Variants in COL13A1 observed in about 807,000 individuals in gnomAD.
COL13A1 encodes the protein collagen alpha-1(XIII) chain.
COL13A1 carries 89 observed loss-of-function variants against 130.9 expected under a neutral mutation model. The observed-to-expected ratio is 0.68, with a 90% confidence interval of 0.57 to 0.81. The LOEUF (loss-of-function observed/expected upper bound fraction) is 0.81. COL13A1 is among the 30% of genes least tolerant of loss of function. The pLI is 0.00. For missense variants in COL13A1, 879 were observed against 934.6 expected (o/e 0.94, Z 0.78); for synonymous variants, 402 against 341.6 (o/e 1.18, Z -1.95).
intron 30 of COL13A1, 83 bp from the exon 31 acceptor site, chr10:69,932,477 T>C: frequency 1.1e-6 from 1 of 946,828 alleles, no homozygotes; most frequent in Non-Finnish European, 1.7e-6. Flanking sequence ...CGTCCCAGTC[T>C]AGTTTGTCAC....
At chr10:69,832,509 G>A (rs1486542318) in intron 2 of COL13A1, among the ~76,000 whole-genome samples, 1 of 152,250 alleles carries the variant, frequency 6.6e-6, no homozygotes, top group African/African-American at 2.4e-5. Context: ...GTGGCACAAT[G>A]GTAGTGCGTC....
chr10:69,911,566 C>CATG (rs2063386038), intron 17 of COL13A1, among the ~76,000 whole-genome samples: 1 of 152,232 alleles, frequency 6.6e-6, no homozygotes, highest in Non-Finnish European at 1.5e-5. Context: ...TGGGGGACCC[C>CATG]ATGATGATTT....
intron 40 of COL13A1, 142 bp from the exon 41 acceptor site, chr10:69,958,557 T>C (rs1479657220): frequency 9.9e-6 from 13 of 1,310,638 alleles, no homozygotes; most frequent in Non-Finnish European, 1.4e-5. Context: ...TTCTTTCACC[T>C]AGGGGCTCAG....
intron 17 of COL13A1, among the ~76,000 whole-genome samples, chr10:69,916,071 G>A (rs1398541437): frequency 1.3e-5 from 2 of 152,204 alleles, no homozygotes; most frequent in South Asian, 2.1e-4. Flanking sequence ...GACCCATCAC[G>A]GAGGAAGAGG....
intron 37 of COL13A1, among the ~76,000 whole-genome samples, chr10:69,947,078 G>A (rs529361311): frequency 7.2e-5 from 11 of 152,270 alleles, no homozygotes; most frequent in South Asian, 2.1e-4. Context: ...GTGAGCCACC[G>A]TGCCCAGCCT....
chr10:69,908,121 G>C (rs929352976), intron 17 of COL13A1, among the ~76,000 whole-genome samples: 1 of 152,180 alleles, frequency 6.6e-6, no homozygotes, highest in Non-Finnish European at 1.5e-5. Context: ...GAAGCTGCTA[G>C]AGCCTTCCAG....
In COL13A1 at chr10:69,944,182, A is replaced by T. The variant is rs760911269; in HGVS notation, c.1968+4A>T. The stretch of plus-strand genomic sequence containing the variant: ...AGCGGGACCAAAGGGCGAGAGGGTG[A>T]GTGTCACTGAGCCAGGGGCCTGGGC... On this transcript the variant is annotated splice_donor_region_variant and intron_variant, in intron 36 of 40. Coordinates refer to ENST00000645393, the MANE Select transcript of COL13A1 (RefSeq NM_001368882.1). The T allele has an allele frequency of 5.0e-6, 8 of 1,613,382 alleles. No homozygotes were observed. The South Asian group carries it at 8.8e-5, about 18-fold the overall frequency.
intron 9 of COL13A1, among the ~76,000 whole-genome samples, chr10:69,888,942 G>T (rs961241522): frequency 6.6e-6 from 1 of 152,168 alleles, no homozygotes; most frequent in African/African-American, 2.4e-5. Context: ...CCTCAGGGTG[G>T]ACGGAATGCA....
chr10:69,817,347 T>C (rs1024506886), intron 1 of COL13A1, among the ~76,000 whole-genome samples: 18 of 151,466 alleles, frequency 1.2e-4, no homozygotes, highest in South Asian at 4.2e-4. Flanking sequence ...GGACGGCACG[T>C]GTAGTGGTGG....
At chr10:69,815,297 C>G (rs1327621485) in intron 1 of COL13A1, among the ~76,000 whole-genome samples, 2 of 152,204 alleles carry the variant, frequency 1.3e-5, no homozygotes, top group East Asian at 1.9e-4. Flanking sequence ...AACCCAAGAC[C>G]AGGCTGGAGC....
At chr10:69,825,677 C>T (rs765124546) in intron 2 of COL13A1, among the ~76,000 whole-genome samples, 28 of 152,220 alleles carry the variant, frequency 1.8e-4, no homozygotes, top group Admixed American at 1.8e-3. Flanking sequence ...CCCTCTGTGG[C>T]CAGCTAGGCC....
intron 1 of COL13A1, among the ~76,000 whole-genome samples, chr10:69,808,189 G>T (rs1311996185): frequency 6.6e-6 from 1 of 152,218 alleles, no homozygotes; most frequent in Non-Finnish European, 1.5e-5. Context: ...TAGGAAGGTG[G>T]TGGGGAAAAC....
At chr10:69,803,518 TTGA>T (rs201650874) in intron 1 of COL13A1, among the ~76,000 whole-genome samples, 4,193 of 152,194 alleles carry the variant, frequency 0.028, 81 homozygotes, top group African/African-American at 0.045. Context: ...AGGGTGAGGC[TTGA>T]TGATCTGTGG....
chr10:69,913,908 G>T (rs543821362), intron 17 of COL13A1, among the ~76,000 whole-genome samples: 2 of 152,084 alleles, frequency 1.3e-5, no homozygotes, highest in African/African-American at 2.4e-5. Context: ...AAGGAAGCCC[G>T]GGTCACTTGC....
intron 2 of COL13A1, chr10:69,829,370 C>G (rs1262749967): frequency 1.6e-6 from 1 of 633,604 alleles, no homozygotes; most frequent in Non-Finnish European, 2.0e-6. Context: ...CCCTAAATCC[C>G]TAACACAGCT....
intron 36 of COL13A1, among the ~76,000 whole-genome samples, 157 bp from the exon 37 acceptor site, chr10:69,945,514 G>T (rs1397048971): frequency 6.6e-6 from 1 of 152,298 alleles, no homozygotes; most frequent in East Asian, 1.9e-4. Flanking sequence ...GGCAGTGTTC[G>T]CATCAGCAGC....
chr10:69,913,157 TA>T (rs1288983798), intron 17 of COL13A1, among the ~76,000 whole-genome samples: 2 of 152,230 alleles, frequency 1.3e-5, no homozygotes, highest in African/African-American at 4.8e-5. Context: ...GCACTGAGGT[TA>T]AAAAGCCAGC....
At chr10:69,810,380 G>A (rs11593788) in intron 1 of COL13A1, among the ~76,000 whole-genome samples, 1 of 141,978 alleles carries the variant, frequency 7.0e-6, no homozygotes, top group African/African-American at 2.6e-5. Flanking sequence ...GAGAGAGAGA[G>A]ACAGAGAGTC....
At chr10:69,850,857 G>A (rs192292737) in intron 2 of COL13A1, among the ~76,000 whole-genome samples, 3 of 152,374 alleles carry the variant, frequency 2.0e-5, no homozygotes, top group African/African-American at 4.8e-5. Context: ...CCCCAAGGGG[G>A]CCAGGCCATG....
Sources: gnomAD v4.1 joint callset for allele counts (sites outside exome capture counted in the v4.1 genomes callset) on GRCh38, gnomAD v4.1.1 for gene constraint, MANE v1.5 for transcripts, NCBI Gene and HGNC (gene_info 2026-07-23, HGNC 2026-07-21) for gene names.